The following TCEA3 variants were observed in gnomAD, a reference collection of about 807,000 sequenced individuals.
TCEA3 encodes transcription elongation factor A protein 3.
In TCEA3, 36 loss-of-function variants were observed where a neutral mutation model predicts 44.0. The ratio of observed to expected loss-of-function variants is 0.82; its 90% CI spans 0.63 to 1.08. The LOEUF is 1.08. Ranked by LOEUF, TCEA3 falls within the 50% of genes least tolerant of loss-of-function variation. The pLI, the probability that TCEA3 is intolerant of heterozygous loss-of-function variation, is 0.00. For missense variants in TCEA3, 392 were observed against 441.2 expected (o/e 0.89, Z 1.00); for synonymous variants, 162 against 159.7 (o/e 1.01, Z -0.11).
At chr1:23,416,242 G>C (rs895061185) in intron 4 of TCEA3, among the ~76,000 whole-genome samples, 3 of 152,108 alleles carry the variant, frequency 2.0e-5, no homozygotes, top group Non-Finnish European at 2.9e-5. Flanking sequence ...CCAACCTCAA[G>C]TGATCCGCCC....
chr1:23,384,291 A>T, intron 10 of TCEA3, 55 bp downstream of exon 10: 2 of 1,613,248 alleles, frequency 1.2e-6, no homozygotes, highest in Non-Finnish European at 1.7e-6. Flanking sequence ...ACTACGCCTT[A>T]TGCGGGCGAG....
At chr1:23,402,602 C>T (rs1639431699) in intron 5 of TCEA3, among the ~76,000 whole-genome samples, 1 of 152,226 alleles carries the variant, frequency 6.6e-6, no homozygotes, top group Non-Finnish European at 1.5e-5. Flanking sequence ...TCCCTCACCA[C>T]CTCAGCTGAG....
chr1:23,399,136 GTATATA>G (rs1191975371), intron 5 of TCEA3, among the ~76,000 whole-genome samples: 1,987 of 58,666 alleles, frequency 0.034, 88 homozygotes, highest in African/African-American at 0.071. Flanking sequence ...TTATATATAT[GTATATA>G]TGTATATATA....
chr1:23,392,404 A>C (rs1210997921), intron 8 of TCEA3, among the ~76,000 whole-genome samples: 1 of 2,820 alleles, frequency 3.5e-4, no homozygotes, highest in Non-Finnish European at 6.2e-4. Context: ...CACTCCACAC[A>C]TCATCATGCA....
At chr1:23,409,731 T>C (rs1004736464) in intron 4 of TCEA3, among the ~76,000 whole-genome samples, 3 of 151,714 alleles carry the variant, frequency 2.0e-5, no homozygotes, top group Non-Finnish European at 4.4e-5. Flanking sequence ...ATATTCTTAG[T>C]AGAGAGGGGG....
rs543850688 is a variant in TCEA3, at chr1:23,423,643, C to T, written c.69+922G>A. ...GAGGAAGAGGACCCTGGAACAGGAA[C>T]GGGAGGTGGGAAGGGCATGCTCACC... On this transcript the variant is annotated intron_variant, in intron 1 of 10. Transcript: ENST00000450454. 1.9e-3 allele frequency among the ~76,000 whole-genome samples: 285 copies of T among 152,296 alleles called. 1 individual carries two copies. Among genetic ancestry groups the T allele is most frequent in the African/African-American group, 6.5e-3 (272 of 41,568 alleles).
chr1:23,421,011 A>T (rs1238349456), intron 1 of TCEA3, among the ~76,000 whole-genome samples: 1 of 152,104 alleles, frequency 6.6e-6, no homozygotes, highest in Non-Finnish European at 1.5e-5. Flanking sequence ...CAGGACCTGG[A>T]CCATGTCCTA....
intron 10 of TCEA3, 103 bp from the exon 11 acceptor site, chr1:23,381,577 A>G: frequency 1.3e-6 from 1 of 757,816 alleles, no homozygotes; most frequent in East Asian, 2.4e-5. Flanking sequence ...AGCCACACAG[A>G]CCAGAGTCCA....
intron 9 of TCEA3, among the ~76,000 whole-genome samples, chr1:23,386,539 G>A (rs1268947433): frequency 6.6e-6 from 1 of 150,464 alleles, no homozygotes; most frequent in Non-Finnish European, 1.5e-5. Flanking sequence ...AGCTGGCCCA[G>A]CCTAGAGAGG....
chr1:23,382,758 T>A (rs1394682748), intron 10 of TCEA3, among the ~76,000 whole-genome samples: 1 of 152,214 alleles, frequency 6.6e-6, no homozygotes, highest in East Asian at 1.9e-4. Context: ...AAATCCAGGC[T>A]TAGTGAGTTC....
chr1:23,399,144 G>GTATATGTATA (rs1639312032), intron 5 of TCEA3, among the ~76,000 whole-genome samples: 1 of 61,166 alleles, frequency 1.6e-5, no homozygotes, highest in African/African-American at 5.7e-5. Flanking sequence ...ATGTATATAT[G>GTATATGTATA]TATATATATA....
intron 9 of TCEA3, among the ~76,000 whole-genome samples, chr1:23,384,698 G>A (rs6424117): frequency 0.88 from 123,296 of 139,800 alleles, 54,460 homozygotes; most frequent in Admixed American, 0.92. Flanking sequence ...GTGGAGTCTC[G>A]CTCTGTTGCC....
intron 1 of TCEA3, 37 bp downstream of exon 1, chr1:23,424,528 G>GGC: frequency 6.3e-7 from 1 of 1,577,474 alleles, no homozygotes; most frequent in Admixed American, 1.7e-5. Context: ...CGCGCCTCCC[G>GGC]GGGGCGGGGG....
chr1:23,404,761 C>T (rs1639495470), intron 5 of TCEA3, among the ~76,000 whole-genome samples: 1 of 151,854 alleles, frequency 6.6e-6, no homozygotes, highest in African/African-American at 2.4e-5. Flanking sequence ...GAGTTCGAGA[C>T]CAGCCTGGGC....
At chr1:23,414,114 T>C (rs143341477) in intron 4 of TCEA3, among the ~76,000 whole-genome samples, 369 of 151,992 alleles carry the variant, frequency 2.4e-3, no homozygotes, top group Non-Finnish European at 4.6e-3. Flanking sequence ...TGAGACAGAG[T>C]CTCATTCTGT....
chr1:23,397,715 C>T (rs1474787739), intron 6 of TCEA3, 77 bp downstream of exon 6: 1 of 1,609,834 alleles, frequency 6.2e-7, no homozygotes, highest in African/African-American at 1.3e-5. Context: ...CTGAGAAAGA[C>T]TGAATTTCAT....
chr1:23,382,604 GAGGA>G (rs904005889), intron 10 of TCEA3, among the ~76,000 whole-genome samples: 1 of 152,216 alleles, frequency 6.6e-6, no homozygotes, highest in Admixed American at 6.5e-5. Context: ...GTGCCGCCTG[GAGGA>G]AGGGACACCT....
chr1:23,416,784 G>A (rs775874076), intron 4 of TCEA3, among the ~76,000 whole-genome samples: 2 of 152,308 alleles, frequency 1.3e-5, no homozygotes, highest in East Asian at 1.9e-4. Flanking sequence ...GAGCCACTGC[G>A]CCAGGTGCAA....
rs1454433266 is a variant in TCEA3 at position 23,393,939 on chromosome 1, C to T, written c.759G>A (p.Leu253=). ...TGGCCCCACTGAGCACGTTCCGCCG[C>T]AGGCCGGGGTTCCTGGGGTCCTTGA... The part of the protein sequence containing the change: ...SNLKDPRNPG[L]RRNVLSGAIS... Residue 253 remains leucine, a synonymous_variant, in exon 8 of 11, where the codon CTG becomes CTA. Coordinates refer to ENST00000450454, the MANE Select transcript of TCEA3 (RefSeq NM_003196.3). 4 of 1,614,024 alleles carry T rather than the reference C, an allele frequency of 2.5e-6. No homozygotes were observed. The highest frequency in any genetic ancestry group is 3.4e-6 in the Non-Finnish European group (4 of 1,179,906).
Sources: gnomAD v4.1 joint callset for allele counts (sites outside exome capture counted in the v4.1 genomes callset) on GRCh38, gnomAD v4.1.1 for gene constraint, MANE v1.5 for transcripts, NCBI Gene and HGNC (gene_info 2026-07-23, HGNC 2026-07-21) for gene names.